Variants in AUTS2 observed in about 807,000 individuals in gnomAD.
AUTS2 encodes the protein autism susceptibility gene 2 protein.
Under a neutral mutation model 112.4 loss-of-function variants are expected in AUTS2, and 17 were observed. That is an observed-to-expected ratio of 0.15 (90% CI 0.10 to 0.23). The LOEUF (loss-of-function observed/expected upper bound fraction) is 0.23. Ranked by LOEUF, AUTS2 falls within the 10% of genes least tolerant of loss-of-function variation. The pLI is 1.00. For missense variants in AUTS2, 1,510 were observed against 1,701.6 expected (o/e 0.89, Z 1.98); for synonymous variants, 751 against 702.7 (o/e 1.07, Z -1.09).
At position 70,358,932 on chromosome 7, in the gene AUTS2, A is replaced by G. The variant is rs1315091637; in HGVS notation, c.661-76820A>G. Among the ~76,000 whole-genome samples the G allele has an allele frequency of 2.6e-5, 4 of 152,378 alleles. 1 individual carries two copies. In the East Asian group the frequency reaches 7.7e-4, roughly 29 times the overall value. On this transcript the variant is annotated intron_variant, in intron 4 of 18. Coordinates refer to ENST00000342771, the MANE Select transcript of AUTS2 (RefSeq NM_015570.4). ...AGTTAACTCATCAGTGTCTGCGGAC[A>G]CAAGGTGTGAAGGCTTAGTCTTTAG... is the stretch of plus-strand genomic sequence containing the variant.
chr7:70,431,968 G>A (rs1795690180), intron 4 of AUTS2, among the ~76,000 whole-genome samples: 1 of 152,244 alleles, frequency 6.6e-6, no homozygotes, highest in Non-Finnish European at 1.5e-5. Context: ...TTTGGGTCAT[G>A]TCTTTGTCTG....
At chr7:70,362,570 G>A (rs1050393269) in intron 4 of AUTS2, among the ~76,000 whole-genome samples, 4 of 151,924 alleles carry the variant, frequency 2.6e-5, no homozygotes, top group African/African-American at 9.7e-5. Flanking sequence ...TTAAGAAGTT[G>A]GAGTATTTAT....
At chr7:70,709,215 C>A (rs1299588485) in intron 6 of AUTS2, among the ~76,000 whole-genome samples, 1 of 151,986 alleles carries the variant, frequency 6.6e-6, no homozygotes, top group African/African-American at 2.4e-5. Flanking sequence ...CCGTACCCGG[C>A]CTTGTTGTTT....
intron 1 of AUTS2, among the ~76,000 whole-genome samples, chr7:69,859,327 T>C (rs1309972777): frequency 6.6e-6 from 1 of 152,236 alleles, no homozygotes; most frequent in East Asian, 1.9e-4. Flanking sequence ...GTTTTGGTCA[T>C]ACTAAGTTTA....
chr7:70,593,636 CTA>C (rs1450074021), intron 5 of AUTS2, among the ~76,000 whole-genome samples: 1 of 152,184 alleles, frequency 6.6e-6, no homozygotes, highest in Non-Finnish European at 1.5e-5. Flanking sequence ...TCACCAAGCC[CTA>C]TATATTTATA....
At chr7:70,611,152 T>G (rs1804072519) in intron 5 of AUTS2, among the ~76,000 whole-genome samples, 1 of 152,244 alleles carries the variant, frequency 6.6e-6, no homozygotes, top group South Asian at 2.1e-4. Context: ...TTTCACACGG[T>G]GTGAGATAAG....
Position 69,738,789 on chromosome 7 carries a change from GT to G in AUTS2, c.309+138835del, listed in dbSNP as rs536229669. Among the ~76,000 whole-genome samples the G allele has an allele frequency of 2.5e-3, 381 of 151,998 alleles. 2 individuals carry two copies. The highest frequency in any genetic ancestry group is 8.5e-3 in the African/African-American group (351 of 41,446). On this transcript the variant is annotated intron_variant, in intron 1 of 18. Coordinates refer to ENST00000342771, the MANE Select transcript of AUTS2 (RefSeq NM_015570.4). ...TCCCTTGAGAAGCACTACTCTAACG[GT>G]TTTTTTTCCTCTTTGTTGCCCTAGG...
At chr7:70,382,920 G>A (rs1405213891) in intron 4 of AUTS2, among the ~76,000 whole-genome samples, 1 of 152,128 alleles carries the variant, frequency 6.6e-6, no homozygotes, top group Non-Finnish European at 1.5e-5. Context: ...ACCTGAAGCT[G>A]TATCACCCAG....
intron 8 of AUTS2, among the ~76,000 whole-genome samples, chr7:70,765,687 C>T (rs1407004296): frequency 6.6e-6 from 1 of 152,140 alleles, no homozygotes; most frequent in Non-Finnish European, 1.5e-5. Context: ...TCACTGTTCC[C>T]AAGCACTTAA....
intron 4 of AUTS2, among the ~76,000 whole-genome samples, chr7:70,277,230 C>T (rs567290394): frequency 2.6e-5 from 4 of 152,112 alleles, no homozygotes; most frequent in Admixed American, 6.5e-5. Context: ...TTTGGATGAT[C>T]GAGATTGTGA....
chr7:70,658,039 C>T (rs976147342), intron 5 of AUTS2, among the ~76,000 whole-genome samples: 5 of 152,302 alleles, frequency 3.3e-5, no homozygotes, highest in Non-Finnish European at 7.3e-5. Flanking sequence ...CAAGGAAAAC[C>T]GTGTAAGTCA....
At chr7:70,732,279 C>T (rs1787460268) in intron 6 of AUTS2, among the ~76,000 whole-genome samples, 1 of 152,154 alleles carries the variant, frequency 6.6e-6, no homozygotes, top group South Asian at 2.1e-4. Flanking sequence ...GTTCGTGCAT[C>T]AGAATTTCTA....
chr7:70,642,614 C>G (rs1485046770), intron 5 of AUTS2, among the ~76,000 whole-genome samples: 1 of 152,192 alleles, frequency 6.6e-6, no homozygotes, highest in African/African-American at 2.4e-5. Context: ...CCTGACTGAC[C>G]TACTTCCCTG....
chr7:69,841,961 C>T (rs751606436), intron 1 of AUTS2, among the ~76,000 whole-genome samples: 6 of 152,016 alleles, frequency 3.9e-5, no homozygotes, highest in African/African-American at 7.2e-5. Context: ...ATGAGAGAGA[C>T]GAGTGCATAG....
At chr7:69,884,697 G>A (rs1794198919) in intron 1 of AUTS2, among the ~76,000 whole-genome samples, 1 of 152,148 alleles carries the variant, frequency 6.6e-6, no homozygotes, top group African/African-American at 2.4e-5. Context: ...TAAGAAACTA[G>A]GTAAAAATCT....
At chr7:70,234,326 A>G (rs779654470) in intron 4 of AUTS2, among the ~76,000 whole-genome samples, 9 of 152,138 alleles carry the variant, frequency 5.9e-5, no homozygotes, top group Non-Finnish European at 1.2e-4. Context: ...GCGTTCATTG[A>G]TTGTCATTCA....
intron 2 of AUTS2, among the ~76,000 whole-genome samples, chr7:69,913,293 G>A (rs976754850): frequency 2.6e-5 from 4 of 152,088 alleles, no homozygotes; most frequent in African/African-American, 9.7e-5. Flanking sequence ...TTATAACAAG[G>A]GTCACCCCAG....
chr7:70,721,313 T>TGTGTGTGTGTGTGTGTGTGTG, intron 6 of AUTS2, among the ~76,000 whole-genome samples: 1 of 151,256 alleles, frequency 6.6e-6, no homozygotes, highest in East Asian at 2.0e-4. Flanking sequence ...TGTGTGTGTG[T>TGTGTGTGTGTGTGTGTGTGTG]TTCCGATGGA....
At chr7:70,238,443 T>A (rs953012740) in intron 4 of AUTS2, among the ~76,000 whole-genome samples, 16 of 152,202 alleles carry the variant, frequency 1.1e-4, no homozygotes, top group Non-Finnish European at 2.1e-4. Context: ...CCCTCTTAGA[T>A]CGTGGACTGC....
Sources: gnomAD v4.1 joint callset for allele counts (sites outside exome capture counted in the v4.1 genomes callset) on GRCh38, gnomAD v4.1.1 for gene constraint, MANE v1.5 for transcripts, NCBI Gene and HGNC (gene_info 2026-07-23, HGNC 2026-07-21) for gene names.